The following MTA3 variants were observed in gnomAD, a reference collection of about 807,000 sequenced individuals.
MTA3 encodes the protein metastasis-associated protein MTA3.
In MTA3, 34 loss-of-function variants were observed where a neutral mutation model predicts 83.5. That is an observed-to-expected ratio of 0.41 (90% CI 0.31 to 0.54). The LOEUF (loss-of-function observed/expected upper bound fraction) is 0.54. Among genes scored for constraint, MTA3 ranks in the 20% least tolerant of loss-of-function variants. The pLI is 0.33. For synonymous variants in MTA3, 303 were observed against 252.7 expected (o/e 1.20, Z -1.89); for missense variants, 761 against 726.4 (o/e 1.05, Z -0.55).
intron 14 of MTA3, chr2:42,709,460 A>G (rs749763823): frequency 1.3e-5 from 4 of 304,468 alleles, no homozygotes; most frequent in Non-Finnish European, 2.3e-5. Flanking sequence ...GGATGCTGTT[A>G]TAATGAGACT....
At chr2:42,724,018 C>G (rs1173406803) in intron 16 of MTA3, among the ~76,000 whole-genome samples, 1 of 152,110 alleles carries the variant, frequency 6.6e-6, no homozygotes, top group Non-Finnish European at 1.5e-5. Flanking sequence ...AAGAATTTAG[C>G]TACCCAGAAG....
chr2:42,584,091 C>A (rs1222178610), intron 3 of MTA3, among the ~76,000 whole-genome samples: 1 of 152,018 alleles, frequency 6.6e-6, no homozygotes, highest in Non-Finnish European at 1.5e-5. Context: ...GATACGCCCA[C>A]CTCTGCCTCC....
chr2:42,725,385 T>C (rs1667736541), intron 16 of MTA3, among the ~76,000 whole-genome samples: 1 of 152,250 alleles, frequency 6.6e-6, no homozygotes, highest in Admixed American at 6.5e-5. Flanking sequence ...ACCACTGTTA[T>C]GAATGAAATC....
chr2:42,553,836 A>C (rs1290659610), intron 2 of MTA3, among the ~76,000 whole-genome samples: 3 of 144,716 alleles, frequency 2.1e-5, no homozygotes, highest in Admixed American at 7.3e-5. Context: ...GTGCCACTGC[A>C]GTCCAGCCTG....
At chr2:42,721,428 G>C (rs1042404875) in intron 15 of MTA3, among the ~76,000 whole-genome samples, 7 of 151,282 alleles carry the variant, frequency 4.6e-5, no homozygotes, top group African/African-American at 1.7e-4. Flanking sequence ...CCCAGGCTCA[G>C]GTGATCCTCC....
At chr2:42,529,960 G>A (rs939558923) in intron 2 of MTA3, among the ~76,000 whole-genome samples, 6 of 152,144 alleles carry the variant, frequency 3.9e-5, no homozygotes, top group Non-Finnish European at 8.8e-5. Flanking sequence ...GGCCAAGGCA[G>A]GAGGATCACG....
At chr2:42,746,131 C>G (rs1669402366) in intron 16 of MTA3, among the ~76,000 whole-genome samples, 2 of 152,132 alleles carry the variant, frequency 1.3e-5, no homozygotes, top group South Asian at 4.1e-4. Context: ...CTCTTTATCT[C>G]TGTTAATACT....
chr2:42,530,202 C>T (rs533097194), intron 2 of MTA3, among the ~76,000 whole-genome samples: 5 of 142,798 alleles, frequency 3.5e-5, no homozygotes, highest in African/African-American at 1.0e-4. Flanking sequence ...AAAAAGATTA[C>T]AACCATTGCC....
intron 16 of MTA3, among the ~76,000 whole-genome samples, chr2:42,746,215 T>G (rs1669408416): frequency 6.6e-6 from 1 of 152,216 alleles, no homozygotes; most frequent in African/African-American, 2.4e-5. Flanking sequence ...GTTTTTAGGA[T>G]TTTTAACAAA....
At chr2:42,506,988 G>C (rs1287637956) in intron 2 of MTA3, among the ~76,000 whole-genome samples, 1 of 152,084 alleles carries the variant, frequency 6.6e-6, no homozygotes, top group Non-Finnish European at 1.5e-5. Context: ...CTGTTACCTC[G>C]AACTCCTAGG....
intron 3 of MTA3, among the ~76,000 whole-genome samples, chr2:42,587,624 C>G (rs1454314930): frequency 6.6e-6 from 1 of 151,830 alleles, no homozygotes; most frequent in Non-Finnish European, 1.5e-5. Flanking sequence ...TTGAGACAGT[C>G]TGACTCTTGT....
At chr2:42,668,833 C>A (rs1690526674) in intron 8 of MTA3, among the ~76,000 whole-genome samples, 1 of 152,038 alleles carries the variant, frequency 6.6e-6, no homozygotes, top group South Asian at 2.1e-4. Flanking sequence ...TATAATCTTC[C>A]TCTTAAAACA....
intron 16 of MTA3, among the ~76,000 whole-genome samples, chr2:42,731,608 C>T (rs1668233193): frequency 1.3e-5 from 2 of 152,130 alleles, no homozygotes; most frequent in South Asian, 4.1e-4. Context: ...CCTCCCACAA[C>T]ACATGGGAAT....
rs1422382675 is a variant in MTA3, at chr2:42,507,311, A to G, written c.-141+12057A>G. On this transcript the variant is annotated intron_variant, in intron 2 of 17. Coordinates refer to the MTA3 transcript ENST00000405592. ...CTCAGGCTCCTAAGTAGCTGGGACT[A>G]TGGGCATGCATGACCACACCCAGCT... 5.3e-5 allele frequency among the ~76,000 whole-genome samples: 8 copies of G among 152,016 alleles called. 1 individual carries two copies. In the South Asian group the frequency reaches 1.2e-3, roughly 24 times the overall value.
chr2:42,527,361 ACCCAACT>A (rs1675764162), intron 2 of MTA3, among the ~76,000 whole-genome samples: 1 of 152,080 alleles, frequency 6.6e-6, no homozygotes, highest in Non-Finnish European at 1.5e-5. Context: ...TTGTTATAAA[ACCCAACT>A]CCTCCCTTTG....
chr2:42,638,285 A>G (rs1020468019), intron 4 of MTA3, among the ~76,000 whole-genome samples: 14 of 152,198 alleles, frequency 9.2e-5, no homozygotes, highest in Non-Finnish European at 4.4e-5. Context: ...ACATATTCAC[A>G]GGTCATAGAT....
At chr2:42,726,665 G>A (rs146530080) in intron 16 of MTA3, among the ~76,000 whole-genome samples, 1 of 152,186 alleles carries the variant, frequency 6.6e-6, no homozygotes, top group African/African-American at 2.4e-5. Context: ...CTGTGAATTT[G>A]GGCTAGCAGA....
chr2:42,711,591 C>T (rs868135635), intron 14 of MTA3, among the ~76,000 whole-genome samples: 1 of 152,002 alleles, frequency 6.6e-6, no homozygotes, highest in African/African-American at 2.4e-5. Context: ...TTTTATTTTT[C>T]AGACAAGCAA....
chr2:42,562,353 G>A (rs1677709531), intron 2 of MTA3, among the ~76,000 whole-genome samples: 1 of 152,108 alleles, frequency 6.6e-6, no homozygotes, highest in Non-Finnish European at 1.5e-5. Flanking sequence ...AGGTAGGAAT[G>A]AGTCAGATTT....
Sources: gnomAD v4.1 joint callset for allele counts (sites outside exome capture counted in the v4.1 genomes callset) on GRCh38, gnomAD v4.1.1 for gene constraint, MANE v1.5 for transcripts, NCBI Gene and HGNC (gene_info 2026-07-23, HGNC 2026-07-21) for gene names.